PTPRG: variants seen among roughly 807,000 people sequenced by gnomAD.
The protein encoded by PTPRG is protein tyrosine phosphatase receptor type G, also known as receptor-type tyrosine-protein phosphatase gamma.
A neutral mutation model predicts 165.3 loss-of-function variants in PTPRG; 102 were observed. That is an observed-to-expected ratio of 0.62 (90% CI 0.53 to 0.73). PTPRG has a LOEUF of 0.73. Ranked by LOEUF, PTPRG falls within the 30% of genes least tolerant of loss-of-function variation. PTPRG has a pLI of 0.00. For synonymous variants in PTPRG, 675 were observed against 669.5 expected (o/e 1.01, Z -0.13); for missense variants, 1,866 against 1,861.4 (o/e 1.00, Z -0.05).
chr3:62,184,033 A>T (rs943809475), intron 8 of PTPRG, among the ~76,000 whole-genome samples: 3 of 152,208 alleles, frequency 2.0e-5, no homozygotes, highest in Non-Finnish European at 4.4e-5. Context: ...ATTGGGATTC[A>T]GTTCTCCATT....
chr3:62,061,745 C>T (rs1700820316), intron 4 of PTPRG, among the ~76,000 whole-genome samples: 1 of 151,288 alleles, frequency 6.6e-6, no homozygotes, highest in Non-Finnish European at 1.5e-5. Flanking sequence ...TCTCCTGCCT[C>T]AGCCTCCTGG....
At chr3:62,292,943 G>A (rs930563717) in intron 29 of PTPRG, among the ~76,000 whole-genome samples, 4 of 152,062 alleles carry the variant, frequency 2.6e-5, no homozygotes, top group African/African-American at 9.7e-5. Flanking sequence ...ACTGAGAATT[G>A]GTTCCAAGCT....
At chr3:61,937,708 A>C (rs1315041315) in intron 2 of PTPRG, among the ~76,000 whole-genome samples, 1 of 152,192 alleles carries the variant, frequency 6.6e-6, no homozygotes, top group Admixed American at 6.5e-5. Context: ...CAGAGTGATC[A>C]CAGTTTCAGA....
intron 15 of PTPRG, among the ~76,000 whole-genome samples, chr3:62,251,062 A>G (rs1208586503): frequency 6.6e-6 from 1 of 152,246 alleles, no homozygotes; most frequent in Non-Finnish European, 1.5e-5. Context: ...ACTTTTGCCT[A>G]GTTTAAACCT....
intron 2 of PTPRG, among the ~76,000 whole-genome samples, chr3:61,899,565 C>G (rs1339918039): frequency 6.6e-6 from 1 of 152,112 alleles, no homozygotes; most frequent in Non-Finnish European, 1.5e-5. Context: ...ACATTGCTCT[C>G]TGTTGTTGTG....
At chr3:61,872,570 G>A (rs941736007) in intron 2 of PTPRG, among the ~76,000 whole-genome samples, 2 of 152,118 alleles carry the variant, frequency 1.3e-5, no homozygotes, top group African/African-American at 2.4e-5. Flanking sequence ...TGCTTGTGTT[G>A]CCTGACCCTG....
At chr3:61,830,581 T>G (rs1224790506) in intron 2 of PTPRG, among the ~76,000 whole-genome samples, 1 of 146,692 alleles carries the variant, frequency 6.8e-6, no homozygotes, top group Non-Finnish European at 1.5e-5. Context: ...TTTTTTTTTT[T>G]TTTTTTTTTG....
chr3:61,645,420 C>T (rs1702173232), intron 1 of PTPRG, among the ~76,000 whole-genome samples: 1 of 152,322 alleles, frequency 6.6e-6, no homozygotes, highest in Admixed American at 6.5e-5. Context: ...TCCAGCCTCC[C>T]TTGCAGCTAG....
chr3:62,151,274 T>C (rs1704326231), intron 6 of PTPRG, among the ~76,000 whole-genome samples: 2 of 152,320 alleles, frequency 1.3e-5, no homozygotes, highest in South Asian at 4.2e-4. Context: ...TCCTAATTGA[T>C]AAGAAAAATT....
intron 2 of PTPRG, among the ~76,000 whole-genome samples, chr3:61,803,075 G>C (rs1980282): frequency 0.31 from 46,793 of 151,996 alleles, 7,591 homozygotes; most frequent in Middle Eastern, 0.39. Context: ...TTATCCATGG[G>C]TGCTTTAGCA....
intron 8 of PTPRG, among the ~76,000 whole-genome samples, chr3:62,173,323 T>A (rs1436515976): frequency 6.6e-6 from 1 of 152,182 alleles, no homozygotes; most frequent in African/African-American, 2.4e-5. Flanking sequence ...TGGATATAAG[T>A]GCCGACTGTA....
chr3:62,014,316 T>C (rs1225157289), intron 4 of PTPRG, among the ~76,000 whole-genome samples: 1 of 152,158 alleles, frequency 6.6e-6, no homozygotes, highest in Non-Finnish European at 1.5e-5. Flanking sequence ...CGGATACTGC[T>C]CTGGATACGT....
intron 2 of PTPRG, among the ~76,000 whole-genome samples, chr3:61,782,787 GTGTTT>G (rs527472740): frequency 3.3e-5 from 5 of 152,014 alleles, no homozygotes; most frequent in South Asian, 4.1e-4. Context: ...GATGAGTATC[GTGTTT>G]TGTTTTGTTT....
At chr3:61,729,724 G>T (rs983990756) in intron 1 of PTPRG, among the ~76,000 whole-genome samples, 1 of 152,172 alleles carries the variant, frequency 6.6e-6, no homozygotes, top group Non-Finnish European at 1.5e-5. Flanking sequence ...TAGAACAAAG[G>T]AGGGAAATAC....
At chr3:62,055,736 C>T (rs993922333) in intron 4 of PTPRG, among the ~76,000 whole-genome samples, 1 of 152,130 alleles carries the variant, frequency 6.6e-6, no homozygotes, top group African/African-American at 2.4e-5. Flanking sequence ...TTTGACATTT[C>T]TTGGCTTTGT....
At chr3:61,619,447 A>G (rs566396169) in intron 1 of PTPRG, among the ~76,000 whole-genome samples, 1 of 152,276 alleles carries the variant, frequency 6.6e-6, no homozygotes, top group African/African-American at 2.4e-5. Flanking sequence ...GGATGGTGCT[A>G]CTGGCATTTG....
intron 4 of PTPRG, among the ~76,000 whole-genome samples, chr3:62,041,132 A>T (rs1299419763): frequency 6.6e-6 from 1 of 152,200 alleles, no homozygotes; most frequent in Non-Finnish European, 1.5e-5. Context: ...GAGTTGATAC[A>T]TACTCAAGTT....
At chr3:62,067,313 C>T (rs1175991046) in intron 4 of PTPRG, among the ~76,000 whole-genome samples, 4 of 151,196 alleles carry the variant, frequency 2.6e-5, no homozygotes, top group African/African-American at 9.7e-5. Context: ...AGGAAACTCC[C>T]ATGATGTGGG....
rs75164084 is a variant in PTPRG at position 62,157,450 on chromosome 3, T to C, written c.840+226T>C. On this transcript the variant is annotated intron_variant, in intron 7 of 29. Coordinates refer to ENST00000474889, the MANE Select transcript of PTPRG (RefSeq NM_002841.4). ...ATTAACTCACTAAAGAGAATTGCAC[T>C]CATGAAATCTGAGTATTGTTTAAGT... 3.5e-4 allele frequency among the ~76,000 whole-genome samples: 54 copies of C among 152,340 alleles called. No homozygotes were observed. In the East Asian group the frequency reaches 0.01, roughly 29 times the overall value.
Sources: gnomAD v4.1 joint callset for allele counts (sites outside exome capture counted in the v4.1 genomes callset) on GRCh38, gnomAD v4.1.1 for gene constraint, MANE v1.5 for transcripts, NCBI Gene and HGNC (gene_info 2026-07-23, HGNC 2026-07-21) for gene names.